The following STK31 variants were observed in gnomAD, a reference collection of about 807,000 sequenced individuals.
STK31 encodes serine/threonine-protein kinase 31.
In STK31, 89 loss-of-function variants were observed where a neutral mutation model predicts 129.7. The ratio of observed to expected loss-of-function variants is 0.69; its 90% CI spans 0.58 to 0.82. The LOEUF (loss-of-function observed/expected upper bound fraction) is 0.82, where lower values mean the gene tolerates loss of function less well. Ranked by LOEUF, STK31 falls within the 40% of genes least tolerant of loss-of-function variation. The pLI, the probability that STK31 is intolerant of heterozygous loss-of-function variation, is 0.00. For missense variants in STK31, 1,187 were observed against 1,176.4 expected (o/e 1.01, Z -0.13); for synonymous variants, 448 against 395.3 (o/e 1.13, Z -1.58).
rs926913560 is a variant in STK31, at chr7:23,776,922, G to T, written c.1966-4497G>T. Among the ~76,000 whole-genome samples the T allele has an allele frequency of 2.0e-5, 3 of 151,926 alleles. No individual in the cohort carries two copies. In the East Asian group the frequency reaches 5.8e-4, roughly 29 times the overall value. ...CTTCTAATTGTGATGTTAGGGTGTCGATTTTAGATCTTTTCCGCTTTCACC... is the reference window on the plus strand; with the variant it reads ...CTTCTAATTGTGATGTTAGGGTGTCTATTTTAGATCTTTTCCGCTTTCACC... On this transcript the variant is annotated intron_variant, in intron 15 of 23. Coordinates refer to ENST00000355870, the MANE Select transcript of STK31 (RefSeq NM_031414.5).
rs1179447624 is a variant in STK31 at position 23,719,204 on chromosome 7, C to T, written c.249+1625C>T. Among the ~76,000 whole-genome samples, 4 of 151,770 alleles carry T rather than the reference C, an allele frequency of 2.6e-5. No individual in the cohort carries two copies. In the South Asian group the frequency reaches 8.3e-4, roughly 32 times the overall value. ...CCTCTTAAAGTCAATGATAAAGTCA[C>T]AACTGTAAAATGAATGCATTTAAAA... is the stretch of plus-strand genomic sequence containing the variant. On this transcript the variant is annotated intron_variant, in intron 4 of 23. Transcript: ENST00000355870.
chr7:23,792,905 C>G (rs1445113770), intron 22 of STK31, among the ~76,000 whole-genome samples: 1 of 152,186 alleles, frequency 6.6e-6, no homozygotes, highest in African/African-American at 2.4e-5. Context: ...GTCTGTGGTT[C>G]TAGCTCCTTG....
chr7:23,826,230 C>G (rs144220343), intron 23 of STK31, among the ~76,000 whole-genome samples: 1 of 151,822 alleles, frequency 6.6e-6, no homozygotes, highest in Admixed American at 6.6e-5. Context: ...TGTGTGGGAG[C>G]CTAAGTCTCT....
intron 23 of STK31, among the ~76,000 whole-genome samples, chr7:23,828,960 C>T (rs180951694): frequency 3.2e-4 from 49 of 151,542 alleles, no homozygotes; most frequent in East Asian, 3.9e-4. Flanking sequence ...AGTGCAGTGG[C>T]GTGATCTCAG....
intron 15 of STK31, among the ~76,000 whole-genome samples, chr7:23,773,936 C>A (rs188897565): frequency 0.014 from 2,184 of 151,304 alleles, 116 homozygotes; most frequent in Admixed American, 0.092. Flanking sequence ...CCTGCCACCC[C>A]CCACCCCACA....
chr7:23,810,940 T>TACAC (rs142209476), intron 22 of STK31, among the ~76,000 whole-genome samples: 246 of 140,342 alleles, frequency 1.8e-3, no homozygotes, highest in African/African-American at 5.9e-3. Flanking sequence ...TGTGTGTATA[T>TACAC]ACACACACAC....
intron 11 of STK31, 44 bp from the exon 12 acceptor site, chr7:23,768,951 A>G: frequency 6.8e-7 from 1 of 1,463,764 alleles, no homozygotes; most frequent in Non-Finnish European, 9.1e-7. Context: ...CGAATCCTGA[A>G]TTAGTTAATA....
At chr7:23,820,105 A>G (rs776300322) in intron 23 of STK31, among the ~76,000 whole-genome samples, 2 of 152,214 alleles carry the variant, frequency 1.3e-5, no homozygotes, top group Non-Finnish European at 2.9e-5. Flanking sequence ...GATTTCAGCT[A>G]TGATTTTTTT....
Position 23,769,698 on chromosome 7 carries a change from A to G in STK31, c.1655A>G (p.Asp552Gly). 1.2e-6 allele frequency: 2 copies of G among 1,611,408 alleles called. No homozygotes were observed. Among genetic ancestry groups the G allele is most frequent in the South Asian group, 2.2e-5 (2 of 90,474 alleles). The change falls in exon 13 of 24, where the codon GAT becomes GGT. Residue 552 changes from aspartate to glycine, a missense_variant. By Grantham distance (94) the Asp-to-Gly change is moderately conservative (BLOSUM62 -1). Coordinates refer to ENST00000355870, the MANE Select transcript of STK31 (RefSeq NM_031414.5). ...LISEDAMDNI[D>G]EILEKTESSV... is the part of the protein sequence containing the mutation. ...TCAGAAGACGCAATGGATAATATTG[A>G]TGAAATCCTAGAGAAGACTGAGTCA...
intron 15 of STK31, among the ~76,000 whole-genome samples, chr7:23,777,506 G>A (rs1249751759): frequency 1.3e-5 from 2 of 152,234 alleles, no homozygotes; most frequent in South Asian, 2.1e-4. Flanking sequence ...ATGAATCTGG[G>A]TGCTCCTGTA....
chr7:23,753,885 T>C (rs1488015424), intron 9 of STK31, among the ~76,000 whole-genome samples: 2 of 152,224 alleles, frequency 1.3e-5, no homozygotes, highest in Non-Finnish European at 2.9e-5. Flanking sequence ...AACTTAACTC[T>C]TGTTTAGATC....
chr7:23,764,626 G>C (rs1043988668), intron 11 of STK31, among the ~76,000 whole-genome samples: 22 of 151,986 alleles, frequency 1.4e-4, no homozygotes, highest in Non-Finnish European at 2.8e-4. Flanking sequence ...TACAGTTTTA[G>C]ATATATCTAA....
At chr7:23,729,052 C>T in intron 5 of STK31, 39 bp from the exon 6 acceptor site, 3 of 1,508,980 alleles carry the variant, frequency 2.0e-6, no homozygotes, top group Non-Finnish European at 2.7e-6. Context: ...AACATTTAAT[C>T]TGGGGTCAGT....
chr7:23,716,734 A>C (rs1383130107), intron 3 of STK31, among the ~76,000 whole-genome samples: 1 of 151,682 alleles, frequency 6.6e-6, no homozygotes, highest in Non-Finnish European at 1.5e-5. Flanking sequence ...CATTGGGACA[A>C]AGTTCACCAA....
At chr7:23,772,466 A>C (rs1227726679) in intron 15 of STK31, among the ~76,000 whole-genome samples, 188 bp downstream of exon 15, 1 of 152,150 alleles carries the variant, frequency 6.6e-6, no homozygotes, top group East Asian at 1.9e-4. Context: ...ATAGTGTAAA[A>C]ATTTTCCTAT....
intron 22 of STK31, among the ~76,000 whole-genome samples, chr7:23,795,000 G>T (rs1365785113): frequency 6.6e-6 from 1 of 152,198 alleles, no homozygotes; most frequent in Non-Finnish European, 1.5e-5. Flanking sequence ...TGGTAGAAAA[G>T]AAAACCCGTT....
At chr7:23,769,312 G>T in intron 12 of STK31, 138 bp downstream of exon 12, 1 of 759,204 alleles carries the variant, frequency 1.3e-6, no homozygotes, top group Non-Finnish European at 1.9e-6. Flanking sequence ...TACCAGTCAA[G>T]GTTCTTTATT....
chr7:23,828,294 C>T (rs1181961358), intron 23 of STK31, among the ~76,000 whole-genome samples: 5 of 152,236 alleles, frequency 3.3e-5, no homozygotes, highest in Admixed American at 6.5e-5. Context: ...TGAGCAATGG[C>T]AGGCACCCCT....
intron 4 of STK31, chr7:23,722,210 T>A (rs6953685): frequency 0.36 from 55,360 of 152,348 alleles, 10,350 homozygotes; most frequent in South Asian, 0.47. Flanking sequence ...CTTTGTGGTT[T>A]TATCTACTTT....
Sources: gnomAD v4.1 joint callset for allele counts (sites outside exome capture counted in the v4.1 genomes callset) on GRCh38, gnomAD v4.1.1 for gene constraint, MANE v1.5 for transcripts, NCBI Gene and HGNC (gene_info 2026-07-23, HGNC 2026-07-21) for gene names.